Variants in PCGF5 observed in about 807,000 individuals in gnomAD.
PCGF5 encodes polycomb group RING finger protein 5.
A neutral mutation model predicts 44.3 loss-of-function variants in PCGF5; 9 were observed. The observed-to-expected ratio is 0.20, with a 90% CI of 0.12 to 0.35. The LOEUF (loss-of-function observed/expected upper bound fraction) is 0.35. Among genes scored for constraint, PCGF5 ranks in the 10% least tolerant of loss-of-function variants. The pLI is 1.00. For synonymous variants in PCGF5, 95 were observed against 102.5 expected, an observed-to-expected ratio of 0.93 and a Z score of 0.44; for missense variants, 146 against 305.3, an observed-to-expected ratio of 0.48 and a Z score of 3.89.
rs547999593 is a variant in PCGF5, at chr10:91,251,182, G to A, written c.326-110G>A. 9.0e-6 allele frequency: 7 copies of A among 774,634 alleles called. No homozygotes were observed. In the South Asian group the frequency reaches 1.6e-4, roughly 18 times the overall value. The allele number at this position is 774,634 out of a possible 1,614,324, so 48.0% of individuals were successfully genotyped here. On this transcript the variant is annotated intron_variant, in intron 5 of 9. Transcript: ENST00000336126. Reference sequence around the variant, plus strand: ...GATACTAAGTTCTTCTTCAAAAACTGTTAGGAAATTTTTTAAAGTTGATTT... The same window carrying A: ...GATACTAAGTTCTTCTTCAAAAACTATTAGGAAATTTTTTAAAGTTGATTT...
chr10:91,168,742 C>T (rs976989696), intron 1 of PCGF5, among the ~76,000 whole-genome samples: 2 of 151,806 alleles, frequency 1.3e-5, no homozygotes, highest in Non-Finnish European at 2.9e-5. Flanking sequence ...GTCTGGCCAA[C>T]ATAGTGAAAC....
intron 3 of PCGF5, among the ~76,000 whole-genome samples, chr10:91,244,976 G>A (rs1470059128): frequency 6.6e-6 from 1 of 152,102 alleles, no homozygotes; most frequent in African/African-American, 2.4e-5. Flanking sequence ...GGTCTGGGCT[G>A]GAGAAAAACA....
At chr10:91,214,242 C>T (rs578134022) in intron 1 of PCGF5, among the ~76,000 whole-genome samples, 43 of 151,290 alleles carry the variant, frequency 2.8e-4, no homozygotes, top group Admixed American at 5.9e-4. Context: ...GTTGAGGCTG[C>T]AATGAGGCGT....
intron 2 of PCGF5, among the ~76,000 whole-genome samples, chr10:91,231,906 A>G (rs958268830): frequency 4.6e-4 from 70 of 152,220 alleles, no homozygotes; most frequent in African/African-American, 1.7e-3. Context: ...AATGAATTGT[A>G]TGTGGGTCAT....
intron 9 of PCGF5, among the ~76,000 whole-genome samples, chr10:91,276,790 T>A (rs1174843251): frequency 1.3e-5 from 2 of 152,128 alleles, no homozygotes; most frequent in African/African-American, 4.8e-5. Context: ...TTCAATAGAA[T>A]CAGGAATCAA....
At chr10:91,203,119 A>G (rs1844283448) in intron 1 of PCGF5, among the ~76,000 whole-genome samples, 1 of 152,236 alleles carries the variant, frequency 6.6e-6, no homozygotes, top group South Asian at 2.1e-4. Flanking sequence ...ACCCCTTGGT[A>G]CTAAGCATTT....
chr10:91,213,518 G>A (rs10881903), intron 1 of PCGF5, among the ~76,000 whole-genome samples: 29,686 of 151,958 alleles, frequency 0.2, 3,901 homozygotes, highest in East Asian at 0.68. Flanking sequence ...AGGCTGGAGT[G>A]CAATGGCGTG....
chr10:91,184,241 G>A (rs187399006), intron 1 of PCGF5, among the ~76,000 whole-genome samples: 3 of 152,178 alleles, frequency 2.0e-5, no homozygotes, highest in African/African-American at 7.2e-5. Context: ...ATATTTCTTG[G>A]AGGTTTTGTT....
intron 1 of PCGF5, among the ~76,000 whole-genome samples, chr10:91,163,827 G>A (rs1252054209): frequency 1.3e-5 from 2 of 151,394 alleles, no homozygotes; most frequent in Non-Finnish European, 3.0e-5. Context: ...GCCCGCGCGC[G>A]TGCCGGGGTG....
intron 3 of PCGF5, among the ~76,000 whole-genome samples, chr10:91,244,617 A>G (rs1480824438): frequency 6.6e-6 from 1 of 152,216 alleles, no homozygotes; most frequent in African/African-American, 2.4e-5. Context: ...AGGCAAGGGT[A>G]GAAGCAGGGA....
intron 6 of PCGF5, among the ~76,000 whole-genome samples, chr10:91,255,478 G>A (rs1437603272): frequency 6.6e-6 from 1 of 152,096 alleles, no homozygotes; most frequent in African/African-American, 2.4e-5. Flanking sequence ...CTAAGGCAGA[G>A]TTGTCAACAC....
intron 1 of PCGF5, among the ~76,000 whole-genome samples, chr10:91,185,058 G>T (rs1244408730): frequency 6.6e-6 from 1 of 152,228 alleles, no homozygotes; most frequent in Non-Finnish European, 1.5e-5. Context: ...TGTGCTAGGG[G>T]TACCCCCTCT....
upstream of PCGF5, among the ~76,000 whole-genome samples, chr10:91,162,381 T>A (rs1843401278): frequency 6.6e-6 from 1 of 151,826 alleles, no homozygotes; most frequent in Non-Finnish European, 1.5e-5. Flanking sequence ...CTGCGAGCTC[T>A]CGGGTGGAGG....
intron 2 of PCGF5, 73 bp downstream of exon 2, chr10:91,223,056 T>C (rs1844724708): frequency 4.0e-6 from 4 of 992,682 alleles, no homozygotes; most frequent in Admixed American, 4.0e-5. Flanking sequence ...ATTGCCATGT[T>C]TTGTTTTTAT....
At chr10:91,255,534 C>T (rs1845727800) in intron 6 of PCGF5, among the ~76,000 whole-genome samples, 1 of 152,024 alleles carries the variant, frequency 6.6e-6, no homozygotes, top group African/African-American at 2.4e-5. Context: ...TACCCAGATT[C>T]TTGGCAAAGA....
At chr10:91,174,674 T>G (rs2133176542) in intron 1 of PCGF5, among the ~76,000 whole-genome samples, 1 of 152,310 alleles carries the variant, frequency 6.6e-6, no homozygotes, top group South Asian at 2.1e-4. Context: ...TAAAGGATAA[T>G]AAACATTAAT....
chr10:91,161,496 A>G (rs564409547), upstream of PCGF5, among the ~76,000 whole-genome samples: 2 of 152,368 alleles, frequency 1.3e-5, no homozygotes, highest in Admixed American at 1.3e-4. Flanking sequence ...CTCTTAGCCT[A>G]GGAATTAGCT....
intron 8 of PCGF5, among the ~76,000 whole-genome samples, chr10:91,265,129 T>G (rs1280073493): frequency 1.3e-5 from 2 of 152,170 alleles, no homozygotes; most frequent in African/African-American, 4.8e-5. Flanking sequence ...TTTTGTATTT[T>G]GAACTATGTC....
intron 1 of PCGF5, among the ~76,000 whole-genome samples, chr10:91,211,956 T>C (rs1413063320): frequency 6.6e-6 from 1 of 152,190 alleles, no homozygotes; most frequent in Non-Finnish European, 1.5e-5. Flanking sequence ...CACCACAAGG[T>C]TCCACTCCTG....
Sources: gnomAD v4.1 joint callset for allele counts (sites outside exome capture counted in the v4.1 genomes callset) on GRCh38, gnomAD v4.1.1 for gene constraint, MANE v1.5 for transcripts, NCBI Gene and HGNC (gene_info 2026-07-23, HGNC 2026-07-21) for gene names.